Variants in CADM2 observed in about 807,000 individuals in gnomAD.
CADM2 encodes the protein cell adhesion molecule 2.
A neutral mutation model predicts 49.8 loss-of-function variants in CADM2; 12 were observed. The ratio of observed to expected loss-of-function variants is 0.24; its 90% CI spans 0.15 to 0.39. The LOEUF is 0.39. Among genes scored for constraint, CADM2 ranks in the 10% least tolerant of loss-of-function variants. The pLI, the probability that CADM2 is intolerant of heterozygous loss-of-function variation, is 1.00. For synonymous variants in CADM2, 214 were observed against 175.4 expected (o/e 1.22, Z -1.74); for missense variants, 378 against 492.3 (o/e 0.77, Z 2.20).
intron 4 of CADM2, among the ~76,000 whole-genome samples, chr3:85,885,186 G>A (rs569945988): frequency 6.6e-6 from 1 of 151,924 alleles, no homozygotes; most frequent in African/African-American, 2.4e-5. Flanking sequence ...CTAGTAAATT[G>A]TAAATTATAT....
intron 1 of CADM2, among the ~76,000 whole-genome samples, chr3:85,199,562 A>G (rs1213093085): frequency 6.6e-6 from 1 of 151,878 alleles, no homozygotes; most frequent in Non-Finnish European, 1.5e-5. Flanking sequence ...ACAGCCTAGC[A>G]TTGTACATGT....
intron 1 of CADM2, among the ~76,000 whole-genome samples, chr3:85,445,646 G>T (rs2037413946): frequency 6.6e-6 from 1 of 151,772 alleles, no homozygotes; most frequent in African/African-American, 2.4e-5. Flanking sequence ...TTAACATTTT[G>T]GAAATAAGAA....
intron 1 of CADM2, among the ~76,000 whole-genome samples, chr3:85,337,939 T>C (rs535854465): frequency 4.5e-4 from 68 of 151,836 alleles, no homozygotes; most frequent in African/African-American, 1.5e-3. Flanking sequence ...CCAGACTGTA[T>C]ACTGTAGGGA....
At chr3:85,959,146 A>ATCCATCTC (rs1553713734) in intron 7 of CADM2, among the ~76,000 whole-genome samples, 2 of 71,946 alleles carry the variant, frequency 2.8e-5, no homozygotes, top group African/African-American at 7.3e-5. Flanking sequence ...ATCTTTATCT[A>ATCCATCTC]TCTATCTCTC....
chr3:85,910,926 A>G (rs907381208), intron 5 of CADM2, among the ~76,000 whole-genome samples: 1 of 152,102 alleles, frequency 6.6e-6, no homozygotes, highest in African/African-American at 2.4e-5. Context: ...GCATATGTCT[A>G]TTAATCAAAT....
At chr3:85,820,455 T>C (rs1478160087) in intron 3 of CADM2, among the ~76,000 whole-genome samples, 1 of 152,070 alleles carries the variant, frequency 6.6e-6, no homozygotes, top group African/African-American at 2.4e-5. Context: ...GCAATGAGGA[T>C]GATGAGAATA....
intron 1 of CADM2, among the ~76,000 whole-genome samples, chr3:85,129,537 T>C (rs1041523259): frequency 1.3e-5 from 2 of 152,208 alleles, no homozygotes; most frequent in Admixed American, 1.3e-4. Context: ...TGAACCAACA[T>C]TGGAAATCAC....
intron 1 of CADM2, among the ~76,000 whole-genome samples, chr3:85,674,549 G>T (rs2065838412): frequency 6.6e-6 from 1 of 152,084 alleles, no homozygotes; most frequent in African/African-American, 2.4e-5. Flanking sequence ...GTTTATTTTT[G>T]ATTTAGCTTC....
chr3:85,738,798 C>G (rs1206179278), intron 2 of CADM2, among the ~76,000 whole-genome samples: 1 of 152,072 alleles, frequency 6.6e-6, no homozygotes, highest in Non-Finnish European at 1.5e-5. Flanking sequence ...TTCTTATCAT[C>G]TTTATTTGTT....
chr3:85,789,916 A>T (rs77857129), intron 2 of CADM2, among the ~76,000 whole-genome samples: 5,060 of 152,246 alleles, frequency 0.033, 286 homozygotes, highest in African/African-American at 0.12. Flanking sequence ...ATACAAGTCA[A>T]AAAAGTGTTG....
intron 1 of CADM2, among the ~76,000 whole-genome samples, chr3:85,350,289 A>G (rs1481258206): frequency 6.6e-6 from 1 of 152,178 alleles, no homozygotes; most frequent in Non-Finnish European, 1.5e-5. Flanking sequence ...TGTTGATATA[A>G]CTTTCTATAA....
intron 1 of CADM2, among the ~76,000 whole-genome samples, chr3:85,665,268 T>A (rs2107619083): frequency 6.6e-6 from 1 of 152,068 alleles, no homozygotes; most frequent in Admixed American, 6.6e-5. Flanking sequence ...CATTTAAGAT[T>A]TTAATTTATA....
At chr3:85,685,525 C>T (rs187203400) in intron 1 of CADM2, among the ~76,000 whole-genome samples, 10 of 151,440 alleles carry the variant, frequency 6.6e-5, no homozygotes, top group Non-Finnish European at 1.0e-4. Flanking sequence ...GAACCTAAAA[C>T]TTCTTTGAAA....
At chr3:84,993,253 A>G (rs1394839603) in intron 1 of CADM2, among the ~76,000 whole-genome samples, 4 of 152,168 alleles carry the variant, frequency 2.6e-5, no homozygotes, top group Non-Finnish European at 5.9e-5. Flanking sequence ...AAAGGAGGAT[A>G]GGAGTGTGCA....
chr3:85,015,788 C>G (rs1026249158), intron 1 of CADM2, among the ~76,000 whole-genome samples: 1 of 152,058 alleles, frequency 6.6e-6, no homozygotes, highest in Admixed American at 6.5e-5. Flanking sequence ...TGGGCTAGGT[C>G]TTAAAGGATG....
intron 1 of CADM2, among the ~76,000 whole-genome samples, chr3:85,669,840 G>A (rs1481954821): frequency 6.6e-6 from 1 of 152,026 alleles, no homozygotes; most frequent in African/African-American, 2.4e-5. Context: ...TCTTTTTTAT[G>A]TATATTTTCT....
At chr3:85,845,097 A>G (rs1469613780) in intron 3 of CADM2, among the ~76,000 whole-genome samples, 3 of 145,466 alleles carry the variant, frequency 2.1e-5, no homozygotes, top group Admixed American at 7.1e-5. Context: ...TTGAGGCTGG[A>G]GTGAGCCATG....
intron 1 of CADM2, among the ~76,000 whole-genome samples, chr3:84,997,588 A>G (rs893184214): frequency 9.2e-5 from 14 of 151,884 alleles, no homozygotes; most frequent in Admixed American, 2.0e-4. Context: ...TCTCTTCCAT[A>G]TTTTGTTTTG....
chr3:85,331,961 A>G (rs1001467732), intron 1 of CADM2, among the ~76,000 whole-genome samples: 1 of 152,120 alleles, frequency 6.6e-6, no homozygotes, highest in African/African-American at 2.4e-5. Flanking sequence ...TTAGCAGTGG[A>G]GGAGAGCAGT....
Sources: allele counts gnomAD v4.1 joint callset (sites outside exome capture counted in the v4.1 genomes callset), GRCh38; gene constraint gnomAD v4.1.1; transcripts MANE v1.5; gene names NCBI Gene and HGNC (gene_info 2026-07-23, HGNC 2026-07-21).